DPP6: variants seen among roughly 807,000 people sequenced by gnomAD.
The protein encoded by DPP6 is dipeptidyl peptidase like 6.
DPP6 carries 69 observed loss-of-function variants against 122.6 expected under a neutral mutation model. The observed-to-expected ratio is 0.56, with a 90% CI of 0.46 to 0.69. The LOEUF is 0.69. Among genes scored for constraint, DPP6 ranks in the 30% least tolerant of loss-of-function variants. DPP6 has a pLI of 0.00. For missense variants in DPP6, 928 were observed against 1,116.9 expected (o/e 0.83, Z 2.41); for synonymous variants, 418 against 433.1 (o/e 0.97, Z 0.43).
At chr7:154,096,743 G>A (rs1271014006) in intron 1 of DPP6, among the ~76,000 whole-genome samples, 3 of 152,024 alleles carry the variant, frequency 2.0e-5, no homozygotes, top group Non-Finnish European at 4.4e-5. Flanking sequence ...AGTAAAAATA[G>A]TATAATGACT....
chr7:154,332,971 G>T (rs576063571), intron 1 of DPP6, among the ~76,000 whole-genome samples: 1 of 152,266 alleles, frequency 6.6e-6, no homozygotes, highest in African/African-American at 2.4e-5. Flanking sequence ...GGCGCGGGAG[G>T]CTCGCGATGG....
intron 1 of DPP6, among the ~76,000 whole-genome samples, chr7:154,303,463 C>A (rs1033396274): frequency 2.6e-4 from 40 of 152,264 alleles, no homozygotes; most frequent in African/African-American, 8.2e-4. Flanking sequence ...CACTGAGGAA[C>A]CTGTGACCGT....
At chr7:154,885,211 A>G in intron 21 of DPP6, 1 of 183,174 alleles carries the variant, frequency 5.5e-6, no homozygotes, top group Non-Finnish European at 1.1e-5. Flanking sequence ...GCAGACCAGG[A>G]CTTGCGCCCT....
At chr7:154,077,835 T>TAA (rs1803680017) in intron 1 of DPP6, among the ~76,000 whole-genome samples, 1 of 151,906 alleles carries the variant, frequency 6.6e-6, no homozygotes, top group South Asian at 2.1e-4. Flanking sequence ...CATGCCCAGC[T>TAA]AATTTTTGTA....
chr7:154,117,890 G>A (rs374330342), intron 1 of DPP6, among the ~76,000 whole-genome samples: 19 of 151,846 alleles, frequency 1.3e-4, no homozygotes, highest in African/African-American at 4.1e-4. Flanking sequence ...TTCCGCTCAC[G>A]GTAGGACCCA....
intron 2 of DPP6, among the ~76,000 whole-genome samples, chr7:154,470,272 TA>T: frequency 6.6e-6 from 1 of 152,330 alleles, no homozygotes; most frequent in East Asian, 1.9e-4. Flanking sequence ...TAGCTCAATG[TA>T]ACTTTCCTTC....
intron 1 of DPP6, among the ~76,000 whole-genome samples, chr7:154,277,625 C>T (rs1284173549): frequency 6.6e-6 from 1 of 152,084 alleles, no homozygotes; most frequent in African/African-American, 2.4e-5. Flanking sequence ...ATTAGCCAGG[C>T]ATGGTGGCTC....
intron 1 of DPP6, among the ~76,000 whole-genome samples, chr7:154,331,386 T>C (rs963325096): frequency 4.6e-5 from 7 of 152,212 alleles, no homozygotes; most frequent in Non-Finnish European, 1.0e-4. Context: ...GGACCTCACT[T>C]GAGCTGCACT....
At chr7:154,797,209 C>T (rs879555351) in intron 12 of DPP6, among the ~76,000 whole-genome samples, 1 of 152,200 alleles carries the variant, frequency 6.6e-6, no homozygotes, top group Non-Finnish European at 1.5e-5. Flanking sequence ...TTACCAGGCA[C>T]CATGCTAGGC....
At chr7:154,739,746 C>G (rs1311417327) in intron 8 of DPP6, among the ~76,000 whole-genome samples, 1 of 152,188 alleles carries the variant, frequency 6.6e-6, no homozygotes, top group Non-Finnish European at 1.5e-5. Flanking sequence ...CAATAAGCTC[C>G]CTTCCTTCTT....
intron 1 of DPP6, among the ~76,000 whole-genome samples, chr7:154,135,939 A>G (rs534827892): frequency 6.6e-6 from 1 of 150,880 alleles, no homozygotes; most frequent in Non-Finnish European, 1.5e-5. Flanking sequence ...TCCTCTATGC[A>G]CTTCCTGTGA....
chr7:154,406,716 T>C (rs1055916596), intron 1 of DPP6, among the ~76,000 whole-genome samples: 1 of 152,122 alleles, frequency 6.6e-6, no homozygotes, highest in Non-Finnish European at 1.5e-5. Flanking sequence ...TTAGGCAAAT[T>C]CTGAGGACCC....
At chr7:154,057,295 C>G (rs1463942483) in intron 1 of DPP6, 1 of 151,074 alleles carries the variant, frequency 6.6e-6, no homozygotes, top group Non-Finnish European at 1.5e-5. Flanking sequence ...AGAGCCAGCC[C>G]CTCTTCCCCC....
intron 5 of DPP6, among the ~76,000 whole-genome samples, chr7:154,620,908 T>G (rs1834603855): frequency 1.3e-5 from 2 of 152,326 alleles, no homozygotes; most frequent in South Asian, 4.1e-4. Flanking sequence ...CCTATCAAAA[T>G]AGCTTCAAAC....
At chr7:154,072,917 CAGAG>C (rs1803228101) in intron 1 of DPP6, among the ~76,000 whole-genome samples, 1 of 152,376 alleles carries the variant, frequency 6.6e-6, no homozygotes, top group South Asian at 2.1e-4. Flanking sequence ...TTGTCTGGCA[CAGAG>C]AGAGCCGGGG....
At chr7:153,986,346 T>G (rs1192027475) in intron 1 of DPP6, among the ~76,000 whole-genome samples, 1 of 152,170 alleles carries the variant, frequency 6.6e-6, no homozygotes, top group African/African-American at 2.4e-5. Context: ...TTTTATGGCT[T>G]CTTCTGAACT....
the DPP6 span, among the ~76,000 whole-genome samples, chr7:153,822,124 A>G: frequency 7.2e-6 from 1 of 138,964 alleles, no homozygotes; most frequent in African/African-American, 2.7e-5. Flanking sequence ...CATTTTTTCC[A>G]CTCAGTTATT....
At chr7:154,440,877 C>T (rs1429608097) in intron 1 of DPP6, among the ~76,000 whole-genome samples, 1 of 152,144 alleles carries the variant, frequency 6.6e-6, no homozygotes, top group Non-Finnish European at 1.5e-5. Flanking sequence ...CCCGGGGTCC[C>T]TGCTGTGCTG....
intron 1 of DPP6, among the ~76,000 whole-genome samples, chr7:153,913,446 T>A (rs1800173446): frequency 6.6e-6 from 1 of 152,210 alleles, no homozygotes; most frequent in Non-Finnish European, 1.5e-5. Flanking sequence ...TGTTTCTTCA[T>A]GTTTCTGTAA....
Sources: allele counts gnomAD v4.1 joint callset (sites outside exome capture counted in the v4.1 genomes callset), GRCh38; gene constraint gnomAD v4.1.1; transcripts MANE v1.5; gene names NCBI Gene and HGNC (gene_info 2026-07-23, HGNC 2026-07-21).